LRRC3B: variants seen among roughly 807,000 people sequenced by gnomAD.
LRRC3B encodes leucine rich repeat containing 3B, also known as leucine-rich repeat-containing protein 3B.
LRRC3B carries 2 observed loss-of-function variants against 12.8 expected under a neutral mutation model. The ratio of observed to expected loss-of-function variants is 0.16; its 90% CI spans 0.06 to 0.49. The LOEUF (loss-of-function observed/expected upper bound fraction) is 0.49, where lower values mean the gene tolerates loss of function less well. LRRC3B is among the 20% of genes least tolerant of loss of function. LRRC3B has a pLI of 0.96. For synonymous variants in LRRC3B, 132 were observed against 122.0 expected, an observed-to-expected ratio of 1.08 and a Z score of -0.54; for missense variants, 189 against 319.4, an observed-to-expected ratio of 0.59 and a Z score of 3.11.
chr3:26,692,537 G>C (rs927646195), intron 1 of LRRC3B, among the ~76,000 whole-genome samples: 2 of 152,048 alleles, frequency 1.3e-5, no homozygotes, highest in Non-Finnish European at 2.9e-5. Flanking sequence ...AAATAATTTG[G>C]TATCTAATGA....
At chr3:26,636,363 T>C (rs991287720) in intron 1 of LRRC3B, among the ~76,000 whole-genome samples, 1 of 152,222 alleles carries the variant, frequency 6.6e-6, no homozygotes, top group African/African-American at 2.4e-5. Flanking sequence ...GGATGCTTTC[T>C]TGTTGCTCTT....
In LRRC3B at chr3:26,676,160, G is replaced by A. The variant is rs1441597203; in HGVS notation, c.-160-33353G>A. Among the ~76,000 whole-genome samples the A allele has an allele frequency of 2.0e-5, 3 of 151,592 alleles. No individual in the cohort carries two copies. In the South Asian group the frequency reaches 6.3e-4, roughly 32 times the overall value. ...AGGTTTGTTACATATGTATACATGTGCCATGTTGGTGTGCTGCACCCATTA... is the reference window on the plus strand; with the variant it reads ...AGGTTTGTTACATATGTATACATGTACCATGTTGGTGTGCTGCACCCATTA... On this transcript the variant is annotated intron_variant, in intron 1 of 1. Transcript: ENST00000396641.
At chr3:26,704,722 T>C (rs1040523317) in intron 1 of LRRC3B, among the ~76,000 whole-genome samples, 4 of 152,140 alleles carry the variant, frequency 2.6e-5, no homozygotes, top group Non-Finnish European at 5.9e-5. Context: ...TTTAAATTAG[T>C]TTATCATTCT....
intron 1 of LRRC3B, among the ~76,000 whole-genome samples, chr3:26,634,584 G>A (rs1698826235): frequency 6.6e-6 from 1 of 152,208 alleles, no homozygotes; most frequent in Non-Finnish European, 1.5e-5. Context: ...TCGACATGGT[G>A]TGTGTTGGCT....
chr3:26,676,051 A>C (rs536616713), intron 1 of LRRC3B, among the ~76,000 whole-genome samples: 2 of 151,744 alleles, frequency 1.3e-5, no homozygotes, highest in East Asian at 1.9e-4. Flanking sequence ...ACTTCAAAGA[A>C]TAGCCTTCAA....
At chr3:26,636,986 T>A (rs190620278) in intron 1 of LRRC3B, among the ~76,000 whole-genome samples, 1 of 121,964 alleles carries the variant, frequency 8.2e-6, no homozygotes, top group African/African-American at 3.7e-5. Context: ...CTCTCTCTCT[T>A]TCTCTCTTTC....
intron 1 of LRRC3B, among the ~76,000 whole-genome samples, chr3:26,689,832 G>C (rs1452355891): frequency 6.6e-6 from 1 of 152,238 alleles, no homozygotes; most frequent in African/African-American, 2.4e-5. Flanking sequence ...GTAACAGTCA[G>C]ATGGTCCGCA....
Position 26,694,285 on chromosome 3 carries a change from C to T in LRRC3B, c.-160-15228C>T, listed in dbSNP as rs576051472. Among the ~76,000 whole-genome samples, 106 of 152,218 alleles carry T rather than the reference C, an allele frequency of 7.0e-4. 1 individual carries two copies. The highest frequency in any genetic ancestry group is 2.3e-3 in the African/African-American group (96 of 41,546). ...CTATAAAAATAAGAAGACCTGGGGA[C>T]GCCTTCAGCAGGGAGCCAAATATAT... On this transcript the variant is annotated intron_variant, in intron 1 of 1. Transcript: ENST00000396641.
At chr3:26,628,637 G>C (rs1575108410) in intron 1 of LRRC3B, among the ~76,000 whole-genome samples, 1 of 143,282 alleles carries the variant, frequency 7.0e-6, no homozygotes, top group East Asian at 1.9e-4. Flanking sequence ...TGAGATGTTA[G>C]TATATATCTA....
At chr3:26,672,696 G>A (rs1699773020) in intron 1 of LRRC3B, among the ~76,000 whole-genome samples, 1 of 152,178 alleles carries the variant, frequency 6.6e-6, no homozygotes, top group South Asian at 2.1e-4. Context: ...TCCAATTAGA[G>A]TGGCTATGCT....
intron 1 of LRRC3B, among the ~76,000 whole-genome samples, chr3:26,656,283 G>A (rs1216050660): frequency 6.6e-6 from 1 of 152,106 alleles, no homozygotes; most frequent in African/African-American, 2.4e-5. Context: ...ATCCAAATAC[G>A]TAATGACTCA....
chr3:26,698,692 C>T (rs9849327), intron 1 of LRRC3B, among the ~76,000 whole-genome samples: 2,556 of 152,152 alleles, frequency 0.017, 30 homozygotes, highest in African/African-American at 0.036. Context: ...TTAAATTTTT[C>T]CCATCACTGT....
chr3:26,689,701 A>T (rs1700152011), intron 1 of LRRC3B, among the ~76,000 whole-genome samples: 1 of 152,160 alleles, frequency 6.6e-6, no homozygotes, highest in African/African-American at 2.4e-5. Context: ...CACCCCCAGG[A>T]CTTTTAGGTT....
At chr3:26,675,416 C>T (rs980342982) in intron 1 of LRRC3B, among the ~76,000 whole-genome samples, 2 of 152,206 alleles carry the variant, frequency 1.3e-5, no homozygotes, top group African/African-American at 2.4e-5. Context: ...GCCAACTACC[C>T]ACTGTCTTCC....
At chr3:26,692,219 C>G (rs1700206871) in intron 1 of LRRC3B, among the ~76,000 whole-genome samples, 1 of 152,178 alleles carries the variant, frequency 6.6e-6, no homozygotes, top group South Asian at 2.1e-4. Context: ...TGCGGTTACA[C>G]TCGTTTTACA....
At chr3:26,709,715 T>C in exon 2 of LRRC3B, 1 of 1,614,152 alleles carries the variant, frequency 6.2e-7, no homozygotes, top group Non-Finnish European at 8.5e-7. Flanking sequence ...CCTCTCCATG[T>C]GTCTCCTCCT....
At chr3:26,635,918 G>A (rs1698858943) in intron 1 of LRRC3B, among the ~76,000 whole-genome samples, 1 of 152,150 alleles carries the variant, frequency 6.6e-6, no homozygotes, top group South Asian at 2.1e-4. Flanking sequence ...GGGACTTCTT[G>A]CAATCATGGA....
At chr3:26,690,939 A>C (rs1428975348) in intron 1 of LRRC3B, among the ~76,000 whole-genome samples, 2 of 151,594 alleles carry the variant, frequency 1.3e-5, no homozygotes, top group East Asian at 3.9e-4. Flanking sequence ...GTATGACTTC[A>C]TTGTTCTACA....
intron 1 of LRRC3B, among the ~76,000 whole-genome samples, chr3:26,633,343 G>A (rs1559348918): frequency 1.3e-5 from 2 of 152,104 alleles, no homozygotes; most frequent in African/African-American, 4.8e-5. Flanking sequence ...TGTGAAATGG[G>A]TATAATAATA....
Sources: gnomAD v4.1 joint callset for allele counts (sites outside exome capture counted in the v4.1 genomes callset) on GRCh38, gnomAD v4.1.1 for gene constraint, MANE v1.5 for transcripts, NCBI Gene and HGNC (gene_info 2026-07-23, HGNC 2026-07-21) for gene names.